The following ZMYM4 variants were observed in gnomAD, a reference collection of about 807,000 sequenced individuals.
The protein encoded by ZMYM4 is zinc finger MYM-type protein 4.
In ZMYM4, 31 loss-of-function variants were observed where a neutral mutation model predicts 183.2. The observed-to-expected ratio is 0.17, with a 90% CI of 0.13 to 0.23. ZMYM4 has a LOEUF of 0.23. ZMYM4 is among the 10% of genes least tolerant of loss of function. ZMYM4 has a pLI of 1.00. For synonymous variants in ZMYM4, 592 were observed against 631.2 expected (o/e 0.94, Z 0.93); for missense variants, 1,273 against 1,840.3 (o/e 0.69, Z 5.64).
chr1:35,342,111 T>A (rs1027676466), intron 2 of ZMYM4, among the ~76,000 whole-genome samples: 2 of 152,170 alleles, frequency 1.3e-5, no homozygotes, highest in Non-Finnish European at 2.9e-5. Flanking sequence ...TTATATTTCA[T>A]CTTGTGTCTG....
chr1:35,382,392 GTTTTATTCATGCAT>G (rs2148967961), intron 9 of ZMYM4, among the ~76,000 whole-genome samples: 1 of 151,032 alleles, frequency 6.6e-6, no homozygotes, highest in Admixed American at 6.6e-5. Flanking sequence ...ATAAGTAGCA[GTTTTATTCATGCAT>G]TTGTTTATAC....
chr1:35,403,535 C>T (rs528218718), intron 23 of ZMYM4, among the ~76,000 whole-genome samples: 81 of 152,122 alleles, frequency 5.3e-4, no homozygotes, highest in Admixed American at 1.9e-3. Context: ...ATCCACCCAC[C>T]TCGCCCTCCC....
intron 1 of ZMYM4, among the ~76,000 whole-genome samples, chr1:35,305,978 CTA>C (rs1641515912): frequency 2.0e-5 from 3 of 152,236 alleles, no homozygotes; most frequent in South Asian, 2.1e-4. Flanking sequence ...GTCTGTGTCT[CTA>C]TGTGGGTTTT....
intron 11 of ZMYM4, among the ~76,000 whole-genome samples, 190 bp from the exon 12 acceptor site, chr1:35,386,808 TAGTTA>T (rs1042782902): frequency 1.6e-4 from 24 of 152,270 alleles, no homozygotes; most frequent in African/African-American, 3.6e-4. Flanking sequence ...GGAAGATTAT[TAGTTA>T]AGTTATTTTA....
chr1:35,323,474 C>T (rs1054769779), intron 1 of ZMYM4, among the ~76,000 whole-genome samples: 3 of 152,130 alleles, frequency 2.0e-5, no homozygotes, highest in Non-Finnish European at 4.4e-5. Context: ...GGATTCTTCT[C>T]AGTGTAGGCA....
intron 1 of ZMYM4, among the ~76,000 whole-genome samples, chr1:35,295,457 A>AG (rs1374967469): frequency 6.6e-6 from 1 of 152,214 alleles, no homozygotes; most frequent in Non-Finnish European, 1.5e-5. Flanking sequence ...GGGGAATAAC[A>AG]GGTTATAGAT....
At position 35,421,618 on chromosome 1, in the gene ZMYM4, A is replaced by C. The variant is rs1640327933; in HGVS notation, c.*1941A>C. 1 of 152,252 alleles carries C rather than the reference A, an allele frequency of 6.6e-6. No individual in the cohort carries two copies. The highest frequency in any genetic ancestry group is 1.5e-5 in the Non-Finnish European group (1 of 68,028). The allele number at this position is 152,252 out of a possible 1,614,324, so 9.4% of individuals were successfully genotyped here. ...CTTTTACTGAGAACACCCAATACCC[A>C]GATAAATGACTGTATCAGGATTTCA... On this transcript the variant is annotated 3_prime_UTR_variant, in exon 30 of 30. Coordinates refer to ENST00000314607, the MANE Select transcript of ZMYM4 (RefSeq NM_005095.3).
At chr1:35,356,553 T>C (rs551705167) in intron 2 of ZMYM4, among the ~76,000 whole-genome samples, 12 of 152,338 alleles carry the variant, frequency 7.9e-5, no homozygotes, top group African/African-American at 2.9e-4. Flanking sequence ...AACGTTCTTA[T>C]GATAGAAACA....
chr1:35,373,380 CTTTTTTTTTTTT>C (rs1354884673), intron 7 of ZMYM4, among the ~76,000 whole-genome samples: 4 of 132,586 alleles, frequency 3.0e-5, no homozygotes, highest in Admixed American at 7.7e-5. Flanking sequence ...TTTTTTTTTT[CTTTTTTTTTTTT>C]GAGACCGAGT....
At chr1:35,284,212 A>G (rs478042) in intron 1 of ZMYM4, among the ~76,000 whole-genome samples, 1,607 of 151,100 alleles carry the variant, frequency 0.011, 29 homozygotes, top group African/African-American at 0.032. Flanking sequence ...TCCTGACCTC[A>G]TGATCCACCT....
chr1:35,398,893 G>C lies in ZMYM4; in HGVS notation c.3283G>C (p.Glu1095Gln). The change falls in exon 22 of 30, where the codon GAA becomes CAA. Residue 1095 changes from glutamate (E) to glutamine (Q), a missense_variant. Physicochemically the swap from Glu to Gln is conservative, Grantham distance 29. Coordinates refer to ENST00000314607, the MANE Select transcript of ZMYM4 (RefSeq NM_005095.3). ...AGGAAGTACATACAGTGGTGATCTT[G>C]AATCAGAGGCAGTATCTACTCCACA... Reference protein sequence around the residue: ...DQGSTYSGDLESEAVSTPHSW... With the variant: ...DQGSTYSGDLQSEAVSTPHSW... 1 of 1,614,056 alleles carries C rather than the reference G, an allele frequency of 6.2e-7. No individual in the cohort carries two copies.
At chr1:35,398,808 A>AT in intron 21 of ZMYM4, 56 bp from the exon 22 acceptor site, 2 of 1,577,692 alleles carry the variant, frequency 1.3e-6, no homozygotes, top group East Asian at 4.5e-5. Context: ...TTTTCCGAGC[A>AT]TGTCAAGATG....
rs546328834 is a variant in ZMYM4, at chr1:35,308,915, A to G, written c.40-16445A>G. 9.2e-4 allele frequency: 899 copies of G among 972,578 alleles called. 1 individual carries two copies. The highest frequency in any genetic ancestry group is 2.6e-3 in the Admixed American group (42 of 16,274). 60.2% of individuals were successfully genotyped at this position (972,578 alleles called of 1,614,324 possible). On this transcript the variant is annotated intron_variant, in intron 1 of 29. Coordinates refer to ENST00000314607, the MANE Select transcript of ZMYM4 (RefSeq NM_005095.3). ...GAAATTTTTTGCTTTTGGAAGATTC[A>G]TGCAAAACAATAATACCAAATAATT...
intron 1 of ZMYM4, among the ~76,000 whole-genome samples, chr1:35,269,901 T>C (rs1299700113): frequency 6.6e-6 from 1 of 152,234 alleles, no homozygotes; most frequent in African/African-American, 2.4e-5. Context: ...ACTTTTCTTT[T>C]ACTTCCTCCC....
chr1:35,276,221 GTC>G lies in ZMYM4; in HGVS notation c.39+7139_39+7140del, dbSNP rs199641861. Among the ~76,000 whole-genome samples the G allele has an allele frequency of 7.7e-3, 1,166 of 151,772 alleles. 15 individuals are homozygous for G. The highest frequency in any genetic ancestry group is 0.022 in the African/African-American group (928 of 41,346). On this transcript the variant is annotated intron_variant, in intron 1 of 29. Transcript: ENST00000314607. ...AGCCAAAAATTAATCTACTATTCCT[GTC>G]TCATCTAACTACTCATTTCTGTCCC...
At position 35,295,598 on chromosome 1, in the gene ZMYM4, C is replaced by T. The variant is rs1308010954; in HGVS notation, c.39+26513C>T. Among the ~76,000 whole-genome samples the T allele has an allele frequency of 2.0e-5, 3 of 152,296 alleles. No individual in the cohort carries two copies. The East Asian group carries it at 5.8e-4, about 29-fold the overall frequency. ...CCCAAGCTCTGACAACCAAAACTGC[C>T]TCCAGACATTGTCAGATTTTCTAGA... On this transcript the variant is annotated intron_variant, in intron 1 of 29. Transcript: ENST00000314607.
chr1:35,282,562 T>C (rs1640226895), intron 1 of ZMYM4, among the ~76,000 whole-genome samples: 1 of 152,176 alleles, frequency 6.6e-6, no homozygotes, highest in Non-Finnish European at 1.5e-5. Context: ...TTTATTTATT[T>C]ATTCATTTTT....
At chr1:35,380,139 G>A (rs942743386) in intron 7 of ZMYM4, among the ~76,000 whole-genome samples, 4 of 152,018 alleles carry the variant, frequency 2.6e-5, no homozygotes, top group Non-Finnish European at 4.4e-5. Context: ...AATAAAACAA[G>A]GTATGCCTAT....
At chr1:35,311,830 C>T (rs1188316983) in intron 1 of ZMYM4, among the ~76,000 whole-genome samples, 1 of 152,118 alleles carries the variant, frequency 6.6e-6, no homozygotes, top group Non-Finnish European at 1.5e-5. Flanking sequence ...GCTCTTCATT[C>T]TCAATTTTCT....
Sources: allele counts gnomAD v4.1 joint callset (sites outside exome capture counted in the v4.1 genomes callset), GRCh38; gene constraint gnomAD v4.1.1; transcripts MANE v1.5; gene names NCBI Gene and HGNC (gene_info 2026-07-23, HGNC 2026-07-21).